The following TUSC3 variants were observed in gnomAD, a reference collection of about 807,000 sequenced individuals.
TUSC3 encodes tumor suppressor candidate 3.
Under a neutral mutation model 44.8 loss-of-function variants are expected in TUSC3, and 45 were observed. The ratio of observed to expected loss-of-function variants is 1.00; its 90% CI spans 0.79 to 1.29. The LOEUF (loss-of-function observed/expected upper bound fraction) is 1.29, where lower values mean the gene tolerates loss of function less well. TUSC3 is among the 50% of genes most tolerant of loss of function. TUSC3 has a pLI of 0.00. For missense variants in TUSC3, 519 were observed against 437.9 expected, an observed-to-expected ratio of 1.19 and a Z score of -1.65; for synonymous variants, 212 against 152.9, an observed-to-expected ratio of 1.39 and a Z score of -2.85.
intron 1 of TUSC3, among the ~76,000 whole-genome samples, chr8:15,603,652 A>G (rs1427307857): frequency 6.6e-6 from 1 of 151,654 alleles, no homozygotes; most frequent in Non-Finnish European, 1.5e-5. Context: ...ATTTAGTGAC[A>G]GGTCTGATAG....
At chr8:15,621,397 A>T (rs1362646801) in intron 1 of TUSC3, among the ~76,000 whole-genome samples, 1 of 150,816 alleles carries the variant, frequency 6.6e-6, no homozygotes, top group Non-Finnish European at 1.5e-5. Context: ...AAGTCCTTCT[A>T]TGTCACTTTC....
In TUSC3 at chr8:15,743,262, A is replaced by G. The variant is rs352761; in HGVS notation, c.863-276A>G. Reference sequence around the variant, plus strand: ...GTGGTAACTGGTTTTGAGAGTCCATATAGTTTATATGTGCTGTGAAAATCC... The same window carrying G: ...GTGGTAACTGGTTTTGAGAGTCCATGTAGTTTATATGTGCTGTGAAAATCC... On this transcript the variant is annotated intron_variant, in intron 7 of 10. Transcript: ENST00000503731. Among the ~76,000 whole-genome samples the G allele has an allele frequency of 5.9e-3, 905 of 152,334 alleles. 10 individuals are homozygous for G. The highest frequency in any genetic ancestry group is 0.02 in the African/African-American group (846 of 41,574).
intron 2 of TUSC3, among the ~76,000 whole-genome samples, chr8:15,500,952 C>G (rs1453806530): frequency 2.6e-5 from 4 of 152,116 alleles, no homozygotes; most frequent in African/African-American, 9.7e-5. Flanking sequence ...AACATAATAA[C>G]TTTAAATTCT....
chr8:15,805,584 G>C, the TUSC3 span, among the ~76,000 whole-genome samples: 2,998 of 152,184 alleles, frequency 0.02, 80 homozygotes, highest in South Asian at 0.066. Flanking sequence ...CTATTGAGAT[G>C]ATCACGTGAT....
intron 1 of TUSC3, among the ~76,000 whole-genome samples, chr8:15,455,430 CACGTAT>C (rs2129120994): frequency 6.6e-6 from 1 of 152,034 alleles, no homozygotes; most frequent in Admixed American, 6.6e-5. Context: ...CCTATGTATA[CACGTAT>C]ATGTATACAC....
At chr8:15,509,549 A>G (rs555679226) in intron 2 of TUSC3, among the ~76,000 whole-genome samples, 33 of 152,274 alleles carry the variant, frequency 2.2e-4, no homozygotes, top group Non-Finnish European at 3.7e-4. Flanking sequence ...CTGAGGTTGC[A>G]GTGAGCCGAG....
the TUSC3 span, among the ~76,000 whole-genome samples, chr8:15,795,711 T>G: frequency 6.6e-6 from 1 of 152,188 alleles, no homozygotes; most frequent in Non-Finnish European, 1.5e-5. Flanking sequence ...GTGCCCCAGG[T>G]AGTACCCACA....
intron 1 of TUSC3, among the ~76,000 whole-genome samples, chr8:15,556,472 A>G (rs1202198116): frequency 1.3e-5 from 2 of 151,520 alleles, no homozygotes; most frequent in Admixed American, 6.6e-5. Context: ...ATACGTGTGC[A>G]TGTGTCCTTA....
intron 5 of TUSC3, among the ~76,000 whole-genome samples, chr8:15,664,465 T>C (rs1387421481): frequency 6.8e-6 from 1 of 147,896 alleles, no homozygotes; most frequent in Non-Finnish European, 1.5e-5. Context: ...ATTATTATTA[T>C]TATTATTATT....
At chr8:15,467,093 C>G (rs778064131) in intron 1 of TUSC3, among the ~76,000 whole-genome samples, 7 of 151,818 alleles carry the variant, frequency 4.6e-5, no homozygotes, top group Non-Finnish European at 8.8e-5. Flanking sequence ...AGAGCTTGGC[C>G]TATTTGGGAA....
chr8:15,828,130 G>A, the TUSC3 span, among the ~76,000 whole-genome samples: 1 of 151,870 alleles, frequency 6.6e-6, no homozygotes, highest in African/African-American at 2.4e-5. Context: ...AAATAGCTGG[G>A]ATTACAGGCA....
At chr8:15,780,189 A>T in the TUSC3 span, among the ~76,000 whole-genome samples, 1 of 152,316 alleles carries the variant, frequency 6.6e-6, no homozygotes, top group East Asian at 1.9e-4. Flanking sequence ...TCAGGAATTC[A>T]AAGATTCTGA....
intron 1 of TUSC3, among the ~76,000 whole-genome samples, chr8:15,550,918 C>T (rs762230748): frequency 1.3e-5 from 2 of 151,584 alleles, no homozygotes; most frequent in Non-Finnish European, 2.9e-5. Flanking sequence ...GTGATCTGCC[C>T]GCCTCGGCCT....
upstream of TUSC3, among the ~76,000 whole-genome samples, chr8:15,537,123 A>G (rs1309995734): frequency 7.2e-6 from 1 of 138,776 alleles, no homozygotes; most frequent in Non-Finnish European, 1.6e-5. Context: ...CTCTTAAGAA[A>G]CATGTTACAA....
intron 1 of TUSC3, among the ~76,000 whole-genome samples, chr8:15,576,673 G>C (rs1176436633): frequency 1.5e-5 from 2 of 136,812 alleles, no homozygotes; most frequent in Admixed American, 1.5e-4. Context: ...AGTATTCCAT[G>C]GTGTATATGT....
At chr8:15,501,838 A>G (rs1453756556) in intron 2 of TUSC3, among the ~76,000 whole-genome samples, 2 of 152,244 alleles carry the variant, frequency 1.3e-5, no homozygotes, top group African/African-American at 2.4e-5. Flanking sequence ...TCATACTGGT[A>G]GACAGTTAAA....
At chr8:15,770,015 A>G (rs558084367), downstream of TUSC3, among the ~76,000 whole-genome samples, 36 of 152,324 alleles carry the variant, frequency 2.4e-4, no homozygotes, top group East Asian at 6.6e-3. Flanking sequence ...TGATTCCTCA[A>G]GGTTCTAGAA....
chr8:15,427,594 G>A (rs767118736), intron 1 of TUSC3, among the ~76,000 whole-genome samples: 2 of 152,058 alleles, frequency 1.3e-5, no homozygotes, highest in Non-Finnish European at 2.9e-5. Context: ...TCTTCCAAAT[G>A]TACTTTCCTT....
At chr8:15,823,812 C>T in the TUSC3 span, among the ~76,000 whole-genome samples, 1 of 151,268 alleles carries the variant, frequency 6.6e-6, no homozygotes, top group South Asian at 2.1e-4. Context: ...TTAACGATAA[C>T]ACCTGTCTTA....
Sources: allele counts gnomAD v4.1 joint callset (sites outside exome capture counted in the v4.1 genomes callset), GRCh38; gene constraint gnomAD v4.1.1; transcripts MANE v1.5; gene names NCBI Gene and HGNC (gene_info 2026-07-23, HGNC 2026-07-21).